The following AUTS2 variants were observed in gnomAD, a reference collection of about 807,000 sequenced individuals.
AUTS2 encodes activator of transcription and developmental regulator AUTS2, also known as autism susceptibility gene 2 protein.
A neutral mutation model predicts 112.4 loss-of-function variants in AUTS2; 17 were observed. The ratio of observed to expected loss-of-function variants is 0.15; its 90% CI spans 0.10 to 0.23. The LOEUF is 0.23. Ranked by LOEUF, AUTS2 falls within the 10% of genes least tolerant of loss-of-function variation. The pLI, the probability that AUTS2 is intolerant of heterozygous loss-of-function variation, is 1.00. For missense variants in AUTS2, 1,510 were observed against 1,701.6 expected (o/e 0.89, Z 1.98); for synonymous variants, 751 against 702.7 (o/e 1.07, Z -1.09).
At chr7:70,476,754 G>T (rs1308258899) in intron 5 of AUTS2, among the ~76,000 whole-genome samples, 3 of 152,048 alleles carry the variant, frequency 2.0e-5, no homozygotes, top group Non-Finnish European at 4.4e-5. Context: ...TTTTTTCATT[G>T]ATAAAATGAG....
rs1261492904 is a variant in AUTS2 at position 70,004,191 on chromosome 7, A to AAT, written c.522+104700_522+104701dup. Among the ~76,000 whole-genome samples, 14 of 132,268 alleles carry AAT rather than the reference A, an allele frequency of 1.1e-4. 1 individual carries two copies. Among genetic ancestry groups the AAT allele is most frequent in the African/African-American group, 3.4e-4 (12 of 35,816 alleles). 86.8% of individuals were successfully genotyped at this position (132,268 alleles called of 152,430 possible). A position where few individuals can be genotyped will look rare whatever the true frequency, so the allele number is the denominator to read the frequency against. On this transcript the variant is annotated intron_variant, in intron 2 of 18. Transcript: ENST00000342771. The stretch of plus-strand genomic sequence containing the variant: ...ATATAATATGAATGTGTTATATGTG[A>AAT]ATATATATTATATATATGAATGTGT...
At chr7:69,903,385 G>T (rs1765809594) in intron 2 of AUTS2, among the ~76,000 whole-genome samples, 1 of 152,082 alleles carries the variant, frequency 6.6e-6, no homozygotes, top group Admixed American at 6.6e-5. Flanking sequence ...AAAAATTTAG[G>T]ACTTTGTAGT....
At chr7:69,636,923 G>A (rs1301481039) in intron 1 of AUTS2, among the ~76,000 whole-genome samples, 2 of 152,080 alleles carry the variant, frequency 1.3e-5, no homozygotes, top group East Asian at 2.0e-4. Context: ...CTGCCACCAC[G>A]TCCGGCTAAT....
At chr7:70,411,640 C>T (rs1794780160) in intron 4 of AUTS2, among the ~76,000 whole-genome samples, 1 of 152,004 alleles carries the variant, frequency 6.6e-6, no homozygotes, top group African/African-American at 2.4e-5. Context: ...ATTCATTACA[C>T]CAAAAATAAT....
At chr7:69,892,524 C>T (rs1794573951) in intron 1 of AUTS2, among the ~76,000 whole-genome samples, 1 of 152,140 alleles carries the variant, frequency 6.6e-6, no homozygotes, top group Non-Finnish European at 1.5e-5. Context: ...CATTCTGTGG[C>T]TTATCTATTT....
chr7:69,630,399 G>A (rs1794173732), intron 1 of AUTS2, among the ~76,000 whole-genome samples: 1 of 152,200 alleles, frequency 6.6e-6, no homozygotes. Flanking sequence ...ACTTAGTGTA[G>A]CTGTGCTTCT....
At position 70,373,355 on chromosome 7, in the gene AUTS2, T is replaced by C. The variant is rs1025701211; in HGVS notation, c.661-62397T>C. 2.6e-5 allele frequency among the ~76,000 whole-genome samples: 4 copies of C among 152,316 alleles called. No individual in the cohort carries two copies. The East Asian group carries it at 5.8e-4, about 22-fold the overall frequency. On this transcript the variant is annotated intron_variant, in intron 4 of 18. Coordinates refer to ENST00000342771, the MANE Select transcript of AUTS2 (RefSeq NM_015570.4). The stretch of plus-strand genomic sequence containing the variant: ...GCACCCGATTAAATTGAATTGGGTT[T>C]ATGACTCCCTCTTGGTTTCTGAAAA...
At chr7:70,516,908 C>A (rs1799439659) in intron 5 of AUTS2, among the ~76,000 whole-genome samples, 1 of 151,980 alleles carries the variant, frequency 6.6e-6, no homozygotes, top group South Asian at 2.1e-4. Context: ...TCATCTGTTT[C>A]CTGGTTACAA....
intron 2 of AUTS2, among the ~76,000 whole-genome samples, chr7:69,931,144 C>T (rs1796212380): frequency 7.3e-6 from 1 of 137,196 alleles, no homozygotes; most frequent in African/African-American, 2.7e-5. Flanking sequence ...CACACACACA[C>T]ACACTACTTT....
intron 1 of AUTS2, among the ~76,000 whole-genome samples, chr7:69,754,504 C>T (rs1787869350): frequency 6.6e-6 from 1 of 151,962 alleles, no homozygotes; most frequent in Non-Finnish European, 1.5e-5. Context: ...GATGCATTTT[C>T]AGGGGTTTCA....
intron 1 of AUTS2, among the ~76,000 whole-genome samples, chr7:69,863,455 A>T (rs1793081751): frequency 6.6e-6 from 1 of 152,182 alleles, no homozygotes; most frequent in African/African-American, 2.4e-5. Flanking sequence ...ACAGCGGGAC[A>T]ACTGTATTCA....
chr7:70,787,676 C>T (rs775482252), intron 18 of AUTS2, among the ~76,000 whole-genome samples: 28 of 152,166 alleles, frequency 1.8e-4, no homozygotes, highest in Non-Finnish European at 2.9e-4. Context: ...TACATCAGCA[C>T]GTCCCAAGTC....
At chr7:70,158,200 G>A (rs141612763) in intron 4 of AUTS2, among the ~76,000 whole-genome samples, 62 of 151,840 alleles carry the variant, frequency 4.1e-4, no homozygotes, top group Non-Finnish European at 7.8e-4. Flanking sequence ...GACAAGTCTT[G>A]TTAAAGAGTT....
Position 70,238,599 on chromosome 7 carries a change from C to G in AUTS2, c.660+104028C>G, listed in dbSNP as rs1812446625. Reference sequence around the variant, plus strand: ...CAGGCTACTTTGAGCACCACTGTATCATGCTTTACATTTTATGTCTCCTCC... The same window carrying G: ...CAGGCTACTTTGAGCACCACTGTATGATGCTTTACATTTTATGTCTCCTCC... On this transcript the variant is annotated intron_variant, in intron 4 of 18. Transcript: ENST00000342771. Among the ~76,000 whole-genome samples, 2 of 152,148 alleles carry G rather than the reference C, an allele frequency of 1.3e-5. 1 individual carries two copies. Among genetic ancestry groups the G allele is most frequent in the South Asian group, 4.1e-4 (2 of 4,834 alleles).
chr7:70,499,801 C>A (rs1240680348), intron 5 of AUTS2, among the ~76,000 whole-genome samples: 2 of 152,198 alleles, frequency 1.3e-5, no homozygotes, highest in African/African-American at 4.8e-5. Context: ...TAGTTTACAG[C>A]AAGGTAAGTC....
chr7:70,122,018 T>C (rs148223358), intron 3 of AUTS2, among the ~76,000 whole-genome samples: 32 of 152,298 alleles, frequency 2.1e-4, no homozygotes, highest in Admixed American at 3.9e-4. Flanking sequence ...ATAAAAAAGA[T>C]TGGCATTGTA....
chr7:69,623,562 T>C (rs1793788864), intron 1 of AUTS2, among the ~76,000 whole-genome samples: 1 of 151,906 alleles, frequency 6.6e-6, no homozygotes, highest in South Asian at 2.1e-4. Context: ...TTTGTTTGTT[T>C]GTTTGTTTTT....
intron 2 of AUTS2, among the ~76,000 whole-genome samples, chr7:70,030,894 T>G (rs963245045): frequency 5.9e-5 from 9 of 152,134 alleles, no homozygotes; most frequent in African/African-American, 1.9e-4. Context: ...CTATGGCTTG[T>G]CTGAGACTGC....
chr7:70,432,461 C>T lies in AUTS2; in HGVS notation c.661-3291C>T, dbSNP rs141066085. 1.1e-3 allele frequency among the ~76,000 whole-genome samples: 164 copies of T among 152,282 alleles called. 4 individuals are homozygous for T. The East Asian group carries it at 0.03, about 28-fold the overall frequency. On this transcript the variant is annotated intron_variant, in intron 4 of 18. Transcript: ENST00000342771. ...CAGTGTATTAAATGTGAATTTGAGA[C>T]CATGAATTCTACCCACACTGACTCT...
Sources: gnomAD v4.1 joint callset for allele counts (sites outside exome capture counted in the v4.1 genomes callset) on GRCh38, gnomAD v4.1.1 for gene constraint, MANE v1.5 for transcripts, NCBI Gene and HGNC (gene_info 2026-07-23, HGNC 2026-07-21) for gene names.